Variants in SMARCD3 observed in about 807,000 individuals in gnomAD.
SMARCD3 encodes SWI/SNF related BAF chromatin remodeling complex subunit D3.
In SMARCD3, 14 loss-of-function variants were observed where a neutral mutation model predicts 58.0. The observed-to-expected ratio is 0.24, with a 90% CI of 0.16 to 0.38. The LOEUF is 0.38. Ranked by LOEUF, SMARCD3 falls within the 10% of genes least tolerant of loss-of-function variation. The probability of loss-of-function intolerance (pLI) is 1.00; values close to 1 mark genes in which losing one functional copy is unlikely to be tolerated. For missense variants in SMARCD3, 408 were observed against 636.9 expected (o/e 0.64, Z 3.87); for synonymous variants, 253 against 253.8 (o/e 1.00, Z 0.03).
chr7:151,242,631 G>A lies in SMARCD3; in HGVS notation c.457-28C>T, dbSNP rs563864473. ...GTAGAAATAGAGTGCAGAACCGGGC[G>A]AATGCTGTGTGCTCCCACCCCGACC... On this transcript the variant is annotated intron_variant, in intron 4 of 12. Coordinates refer to ENST00000262188, the MANE Select transcript of SMARCD3 (RefSeq NM_001003801.2). The surrounding 1 kb of genome is among the most constrained non-coding windows in gnomAD (Gnocchi z 4.7). 93 of 1,612,108 alleles carry A rather than the reference G, an allele frequency of 5.8e-5. No individual in the cohort carries two copies. The highest frequency in any genetic ancestry group is 6.8e-5 in the Non-Finnish European group (80 of 1,178,254).
At chr7:151,253,228 A>G (rs530550181), upstream of SMARCD3, among the ~76,000 whole-genome samples, 120 of 152,276 alleles carry the variant, frequency 7.9e-4, no homozygotes, top group African/African-American at 2.5e-3. Context: ...GCTGCTCACC[A>G]TGAGTGAGGC....
rs557476638 is a variant in SMARCD3, at chr7:151,241,207, A to G, written c.939+285T>C. On this transcript the variant is annotated intron_variant, in intron 8 of 12. Coordinates refer to ENST00000262188, the MANE Select transcript of SMARCD3 (RefSeq NM_001003801.2). This position sits in a 1 kb window ranked among gnomAD's most constrained non-coding sequence, Gnocchi z 5.3. ...ACTAGAACCTGGGGATCCTAACTCC[A>G]AGTGCCAAGAATATTACATTCCAGA... 13 of 445,304 alleles carry G rather than the reference A, an allele frequency of 2.9e-5. 1 individual carries two copies. In the East Asian group the frequency reaches 3.8e-4, roughly 13 times the overall value. 27.6% of individuals were successfully genotyped at this position (445,304 alleles called of 1,614,324 possible). A position where few individuals can be genotyped will look rare whatever the true frequency, so the allele number is the denominator to read the frequency against.
At chr7:151,255,004 C>T (rs957434823) in intron 2 of SMARCD3, among the ~76,000 whole-genome samples, 11 of 152,168 alleles carry the variant, frequency 7.2e-5, no homozygotes, top group Admixed American at 2.0e-4. Flanking sequence ...AAGTGCTGCG[C>T]GGACTCGTCG....
At chr7:151,258,242 G>A (rs1158669396) in intron 2 of SMARCD3, among the ~76,000 whole-genome samples, 1 of 152,068 alleles carries the variant, frequency 6.6e-6, no homozygotes, top group East Asian at 1.9e-4. Flanking sequence ...CCAACAGTCT[G>A]TTCTCAACAT....
Position 151,248,419 on chromosome 7 carries a change from C to A in SMARCD3, c.78+66G>T. On this transcript the variant is annotated intron_variant, in intron 1 of 12. Coordinates refer to ENST00000262188, the MANE Select transcript of SMARCD3 (RefSeq NM_001003801.2). This position sits in a 1 kb window ranked among gnomAD's most constrained non-coding sequence, Gnocchi z 6.1. ...GCGGGAGCGCCCTCCCGGCCCCTCC[C>A]GATCAGCCCTCCATTCAGCCCGAGC... is the stretch of plus-strand genomic sequence containing the variant. 7.2e-7 allele frequency: 1 copy of A among 1,393,220 alleles called. No homozygotes were observed. Among genetic ancestry groups the A allele is most frequent in the Non-Finnish European group, 1.0e-6 (1 of 988,740 alleles). The allele number at this position is 1,393,220 out of a possible 1,614,324, so 86.3% of individuals were successfully genotyped here.
upstream of SMARCD3, among the ~76,000 whole-genome samples, chr7:151,250,053 G>C (rs1489088980): frequency 6.6e-6 from 1 of 152,074 alleles, no homozygotes; most frequent in Non-Finnish European, 1.5e-5. Context: ...GGAGTTTGTT[G>C]AAACACTTAC....
intron 2 of SMARCD3, among the ~76,000 whole-genome samples, chr7:151,263,203 G>T (rs1313043796): frequency 6.6e-6 from 1 of 152,072 alleles, no homozygotes; most frequent in Non-Finnish European, 1.5e-5. Flanking sequence ...AGAGACTGTG[G>T]GCAGACTTGA....
chr7:151,247,287 G>C (rs1803315627), intron 1 of SMARCD3, among the ~76,000 whole-genome samples: 1 of 152,038 alleles, frequency 6.6e-6, no homozygotes, highest in African/African-American at 2.4e-5. Flanking sequence ...CCTTTTTAAA[G>C]GGGCTCCCAC....
chr7:151,256,907 C>T (rs180907643), intron 2 of SMARCD3, among the ~76,000 whole-genome samples: 10 of 152,162 alleles, frequency 6.6e-5, no homozygotes, highest in Admixed American at 3.3e-4. Context: ...GTGCCAGCTC[C>T]GTCCCTCCTC....
intron 2 of SMARCD3, among the ~76,000 whole-genome samples, chr7:151,258,422 G>A (rs528116720): frequency 4.6e-5 from 7 of 152,022 alleles, no homozygotes; most frequent in East Asian, 3.9e-4. Context: ...AAAATTAGCC[G>A]GGTGTGGTGG....
At chr7:151,276,115 C>T (rs1206834730) in intron 1 of SMARCD3, among the ~76,000 whole-genome samples, 2 of 105,278 alleles carry the variant, frequency 1.9e-5, no homozygotes, top group Non-Finnish European at 3.8e-5. Flanking sequence ...GAGGAAGATG[C>T]GGTAGGGGAG....
At position 151,241,375 on chromosome 7, in the gene SMARCD3, T is replaced by C. The variant is rs745735280; in HGVS notation, c.939+117A>G. The C allele has an allele frequency of 5.7e-6, 5 of 879,652 alleles. No individual in the cohort carries two copies. In the South Asian group the frequency reaches 7.1e-5, roughly 13 times the overall value. 54.5% of individuals were successfully genotyped at this position (879,652 alleles called of 1,614,324 possible). On this transcript the variant is annotated intron_variant, in intron 8 of 12. Coordinates refer to ENST00000262188, the MANE Select transcript of SMARCD3 (RefSeq NM_001003801.2). This position sits in a 1 kb window ranked among gnomAD's most constrained non-coding sequence, Gnocchi z 5.3. Reference sequence around the variant, plus strand: ...TGGCTCCAAGACCATGACTGTGTACTGCTTCTGCTACTCAGGAATCTAGAA... The same window carrying C: ...TGGCTCCAAGACCATGACTGTGTACCGCTTCTGCTACTCAGGAATCTAGAA...
chr7:151,248,421 A>T lies in SMARCD3; in HGVS notation c.78+64T>A. 1 of 1,291,748 alleles carries T rather than the reference A, an allele frequency of 7.7e-7. No individual in the cohort carries two copies. The highest frequency in any genetic ancestry group is 1.1e-6 in the Non-Finnish European group (1 of 899,894). 80.0% of individuals were successfully genotyped at this position (1,291,748 alleles called of 1,614,324 possible). ...GGGAGCGCCCTCCCGGCCCCTCCCG[A>T]TCAGCCCTCCATTCAGCCCGAGCCA... On this transcript the variant is annotated intron_variant, in intron 1 of 12. Coordinates refer to ENST00000262188, the MANE Select transcript of SMARCD3 (RefSeq NM_001003801.2). This position sits in a 1 kb window ranked among gnomAD's most constrained non-coding sequence, Gnocchi z 6.1.
At chr7:151,253,723 A>G (rs1803605309) in intron 2 of SMARCD3, among the ~76,000 whole-genome samples, 2 of 152,118 alleles carry the variant, frequency 1.3e-5, no homozygotes, top group Non-Finnish European at 2.9e-5. Context: ...AACGTGCCAC[A>G]CAGGCCTGGT....
Position 151,241,680 on chromosome 7 carries a change from G to A in SMARCD3, c.778-27C>T, listed in dbSNP as rs1205461818. On this transcript the variant is annotated intron_variant, in intron 7 of 12. Transcript: ENST00000262188. This position sits in a 1 kb window ranked among gnomAD's most constrained non-coding sequence, Gnocchi z 5.3. ...TGGGAAAAGGGGACTGTGAAAGTTAGACCAAAGGGAGAGAAAGGAAGGAGC... is the reference window on the plus strand; with the variant it reads ...TGGGAAAAGGGGACTGTGAAAGTTAAACCAAAGGGAGAGAAAGGAAGGAGC... 1 of 1,599,520 alleles carries A rather than the reference G, an allele frequency of 6.3e-7. No homozygotes were observed. The highest frequency in any genetic ancestry group is 8.5e-7 in the Non-Finnish European group (1 of 1,171,642).
At chr7:151,275,383 T>C in intron 1 of SMARCD3, 1 of 546,452 alleles carries the variant, frequency 1.8e-6, no homozygotes, top group East Asian at 3.0e-5. Context: ...GGGCCTAGGA[T>C]GGAGGCAACC....
At chr7:151,266,912 T>C (rs964385041) in intron 2 of SMARCD3, among the ~76,000 whole-genome samples, 1 of 152,132 alleles carries the variant, frequency 6.6e-6, no homozygotes, top group African/African-American at 2.4e-5. Flanking sequence ...GGGGTGTTGC[T>C]TTGTTGCCCA....
At chr7:151,271,418 CTTAAG>C (rs1795171056) in intron 2 of SMARCD3, among the ~76,000 whole-genome samples, 1 of 152,042 alleles carries the variant, frequency 6.6e-6, no homozygotes, top group Non-Finnish European at 1.5e-5. Context: ...TTTCCTTGCA[CTTAAG>C]TTAACTGATG....
At chr7:151,252,607 C>G (rs925773870), upstream of SMARCD3, among the ~76,000 whole-genome samples, 1 of 152,192 alleles carries the variant, frequency 6.6e-6, no homozygotes, top group Admixed American at 6.5e-5. Context: ...CCTACCTGCC[C>G]GGGCTAAGCA....
Sources: gnomAD v4.1 joint callset for allele counts (sites outside exome capture counted in the v4.1 genomes callset) on GRCh38, gnomAD v4.1.1 for gene constraint, Gnocchi (gnomAD v3.1) non-coding constraint, MANE v1.5 for transcripts, NCBI Gene and HGNC (gene_info 2026-07-23, HGNC 2026-07-21) for gene names.